The following NALF1 variants were observed in gnomAD, a reference collection of about 807,000 sequenced individuals.
The protein encoded by NALF1 is NALCN channel auxiliary factor 1.
NALF1 carries 3 observed loss-of-function variants against 48.4 expected under a neutral mutation model. That is an observed-to-expected ratio of 0.06 (90% CI 0.03 to 0.16). NALF1 has a LOEUF of 0.16. NALF1 is among the 10% of genes least tolerant of loss of function. NALF1 has a pLI of 1.00. For missense variants in NALF1, 526 were observed against 571.5 expected, an observed-to-expected ratio of 0.92 and a Z score of 0.81; for synonymous variants, 262 against 245.7, an observed-to-expected ratio of 1.07 and a Z score of -0.62.
At chr13:107,629,509 T>C (rs1879773617) in intron 1 of NALF1, among the ~76,000 whole-genome samples, 1 of 152,192 alleles carries the variant, frequency 6.6e-6, no homozygotes, top group Non-Finnish European at 1.5e-5. Flanking sequence ...AAGACACAGT[T>C]CTGTGTTTTC....
rs146368577 is a variant in NALF1, at chr13:107,743,352, C to A, written c.915+122330G>T. ...CAGTCTCAACTTTCAGATGAATCAG[C>A]CTGTGACAAGAAACTTACTTTCTGG... On this transcript the variant is annotated intron_variant, in intron 1 of 2. Transcript: ENST00000375915. Among the ~76,000 whole-genome samples, 68 of 152,214 alleles carry A rather than the reference C, an allele frequency of 4.5e-4. 1 individual carries two copies. In the East Asian group the frequency reaches 0.012, roughly 26 times the overall value.
chr13:107,299,462 TAATAATAATAAATA>T (rs1449935232), intron 1 of NALF1, among the ~76,000 whole-genome samples: 29 of 57,798 alleles, frequency 5.0e-4, no homozygotes, highest in South Asian at 1.2e-3. Flanking sequence ...ATAATAATAA[TAATAATAATAAATA>T]AATAAATAAA....
rs187038361 is a variant in NALF1 at position 107,753,267 on chromosome 13, T to C, written c.915+112415A>G. Reference sequence around the variant, plus strand: ...TACTTTTCTAAGCTTTTATAGTCCATTTTCTCACTTTTAACTGGTTTATGA... The same window carrying C: ...TACTTTTCTAAGCTTTTATAGTCCACTTTCTCACTTTTAACTGGTTTATGA... On this transcript the variant is annotated intron_variant, in intron 1 of 2. Transcript: ENST00000375915. Among the ~76,000 whole-genome samples the C allele has an allele frequency of 2.1e-3, 323 of 152,320 alleles. 1 individual carries two copies. Among genetic ancestry groups the C allele is most frequent in the African/African-American group, 6.7e-3 (279 of 41,564 alleles).
In NALF1 at chr13:107,520,269, A is replaced by G. The variant is rs535336103; in HGVS notation, c.916-309514T>C. Among the ~76,000 whole-genome samples, 10 of 152,326 alleles carry G rather than the reference A, an allele frequency of 6.6e-5. 1 individual carries two copies. The South Asian group carries it at 2.1e-3, about 32-fold the overall frequency. ...GTCAGTCACACTGGTTCTCTGATGAAGATTTTCTGTTCTAAGAGTTTGTAT... is the reference window on the plus strand; with the variant it reads ...GTCAGTCACACTGGTTCTCTGATGAGGATTTTCTGTTCTAAGAGTTTGTAT... On this transcript the variant is annotated intron_variant, in intron 1 of 2. Transcript: ENST00000375915.
chr13:107,449,654 T>C (rs1594069340), intron 1 of NALF1, among the ~76,000 whole-genome samples: 1 of 152,198 alleles, frequency 6.6e-6, no homozygotes, highest in Admixed American at 6.5e-5. Context: ...GACATCAATC[T>C]GGCCTTGGAG....
At chr13:107,718,763 A>G (rs1254411407) in intron 1 of NALF1, among the ~76,000 whole-genome samples, 2 of 152,166 alleles carry the variant, frequency 1.3e-5, no homozygotes, top group Admixed American at 1.3e-4. Flanking sequence ...GCTTTCTAAT[A>G]TGGCAGCCAA....
intron 1 of NALF1, among the ~76,000 whole-genome samples, chr13:107,286,172 T>C (rs1881489128): frequency 6.6e-6 from 1 of 152,162 alleles, no homozygotes; most frequent in South Asian, 2.1e-4. Context: ...GAATATAAAA[T>C]GGTTCGGCGG....
At chr13:107,415,577 G>A (rs1594050960) in intron 1 of NALF1, among the ~76,000 whole-genome samples, 1 of 152,022 alleles carries the variant, frequency 6.6e-6, no homozygotes. Context: ...TAAAGCAAAA[G>A]CAAAACAAAA....
intron 1 of NALF1, among the ~76,000 whole-genome samples, chr13:107,828,606 T>TATCTATACACACAC (rs1426891111): frequency 2.9e-5 from 3 of 103,914 alleles, no homozygotes; most frequent in Non-Finnish European, 7.5e-5. Context: ...TCTATATCTA[T>TATCTATACACACAC]ACACACACAC....
Position 107,219,395 on chromosome 13 carries a change from A to G in NALF1, c.916-8640T>C, listed in dbSNP as rs555416860. Among the ~76,000 whole-genome samples, 10 of 152,332 alleles carry G rather than the reference A, an allele frequency of 6.6e-5. No homozygotes were observed. In the East Asian group the frequency reaches 1.5e-3, roughly 23 times the overall value. On this transcript the variant is annotated intron_variant, in intron 1 of 2. Coordinates refer to ENST00000375915, the MANE Select transcript of NALF1 (RefSeq NM_001080396.3). ...AAGTGAACACTTCAATATAAATTCA[A>G]TTTTGGGCTCCACATCTTGAGTGAG...
chr13:107,710,214 C>G (rs1478299930), intron 1 of NALF1, among the ~76,000 whole-genome samples: 2 of 151,916 alleles, frequency 1.3e-5, no homozygotes, highest in Non-Finnish European at 2.9e-5. Context: ...AAAAAAGAAG[C>G]ACCAGTATCT....
intron 1 of NALF1, among the ~76,000 whole-genome samples, chr13:107,268,077 C>A (rs551434281): frequency 6.7e-6 from 1 of 150,278 alleles, no homozygotes; most frequent in Non-Finnish European, 1.5e-5. Context: ...ACCTCCGCTT[C>A]CCAGGTTCAA....
At chr13:107,538,289 T>C (rs78273206) in intron 1 of NALF1, among the ~76,000 whole-genome samples, 2,370 of 152,304 alleles carry the variant, frequency 0.016, 57 homozygotes, top group African/African-American at 0.054. Context: ...TCACTCTTCA[T>C]GCTACCTTCT....
At position 107,323,206 on chromosome 13, in the gene NALF1, G is replaced by A. The variant is rs149308558; in HGVS notation, c.916-112451C>T. Among the ~76,000 whole-genome samples, 352 of 152,176 alleles carry A rather than the reference G, an allele frequency of 2.3e-3. 2 individuals are homozygous for A. The highest frequency in any genetic ancestry group is 6.7e-3 in the African/African-American group (277 of 41,524). ...TCTCCACAAAATTGCAAATGCTTCC[G>A]TGCTATAGAACTTCTGATTAGTGTG... On this transcript the variant is annotated intron_variant, in intron 1 of 2. Transcript: ENST00000375915.
intron 1 of NALF1, among the ~76,000 whole-genome samples, chr13:107,818,742 G>C (rs1879254536): frequency 6.9e-6 from 1 of 144,466 alleles, no homozygotes; most frequent in South Asian, 2.2e-4. Context: ...CGTGGTAGCG[G>C]GCGCCTGTAG....
At chr13:107,847,323 T>C (rs1487065515) in intron 1 of NALF1, among the ~76,000 whole-genome samples, 1 of 152,184 alleles carries the variant, frequency 6.6e-6, no homozygotes, top group Non-Finnish European at 1.5e-5. Flanking sequence ...TTATGTGAAA[T>C]TATCTCTGAT....
At chr13:107,769,626 C>T (rs1877518153) in intron 1 of NALF1, among the ~76,000 whole-genome samples, 1 of 150,546 alleles carries the variant, frequency 6.6e-6, no homozygotes. Context: ...ACCAGCATGG[C>T]ACATGTATAC....
intron 1 of NALF1, among the ~76,000 whole-genome samples, chr13:107,750,456 T>G (rs1299380816): frequency 6.6e-6 from 1 of 152,164 alleles, no homozygotes; most frequent in Non-Finnish European, 1.5e-5. Flanking sequence ...TTCCTGAAAT[T>G]TTATATCTGG....
At chr13:107,315,097 T>C (rs148724694) in intron 1 of NALF1, among the ~76,000 whole-genome samples, 260 of 152,224 alleles carry the variant, frequency 1.7e-3, no homozygotes, top group African/African-American at 5.7e-3. Context: ...TTAAACAAAA[T>C]TAAAAATATG....
Sources: allele counts gnomAD v4.1 joint callset (sites outside exome capture counted in the v4.1 genomes callset), GRCh38; gene constraint gnomAD v4.1.1; transcripts MANE v1.5; gene names NCBI Gene and HGNC (gene_info 2026-07-23, HGNC 2026-07-21).